SRSF5: variants seen among roughly 807,000 people sequenced by gnomAD.
SRSF5 encodes serine/arginine-rich splicing factor 5.
SRSF5 carries 5 observed loss-of-function variants against 34.0 expected under a neutral mutation model. The observed-to-expected ratio is 0.15, with a 90% CI of 0.08 to 0.31. SRSF5 has a LOEUF of 0.31. SRSF5 is among the 10% of genes least tolerant of loss of function. The probability of loss-of-function intolerance (pLI) is 1.00; values close to 1 mark genes in which losing one functional copy is unlikely to be tolerated. For synonymous variants in SRSF5, 164 were observed against 117.7 expected, an observed-to-expected ratio of 1.39 and a Z score of -2.55; for missense variants, 223 against 351.4, an observed-to-expected ratio of 0.63 and a Z score of 2.92.
At chr14:69,768,449 G>A in intron 2 of SRSF5, 155 bp from the exon 3 acceptor site, 2 of 1,223,350 alleles carry the variant, frequency 1.6e-6, no homozygotes, top group East Asian at 2.3e-5. Context: ...CCGGCTCACT[G>A]GAACCCCACT....
At chr14:69,768,571 G>A in intron 2 of SRSF5, 33 bp from the exon 3 acceptor site, 3 of 1,599,208 alleles carry the variant, frequency 1.9e-6, no homozygotes, top group South Asian at 1.1e-5. Flanking sequence ...CTCTTCTAAA[G>A]CCAATGTTAA....
At chr14:69,768,491 T>C in intron 2 of SRSF5, 113 bp from the exon 3 acceptor site, 1 of 1,249,222 alleles carries the variant, frequency 8.0e-7, no homozygotes, top group Non-Finnish European at 1.2e-6. Flanking sequence ...TTTGACTGTA[T>C]GGCAGTGTCG....
chr14:69,770,097 AATGTTCTGTT>A (rs1468599358), intron 5 of SRSF5: 1 of 1,031,744 alleles, frequency 9.7e-7, no homozygotes, highest in Non-Finnish European at 1.2e-6. Context: ...GTGTCTTGTA[AATGTTCTGTT>A]TTTTTAAATA....
In SRSF5 at chr14:69,768,701, C is replaced by T. The variant is rs759212362; in HGVS notation, c.197+27C>T. Reference sequence around the variant, plus strand: ...TGAGATTCCTGTGTAACTAGATAACCCTGGGACATAGAGCAGACTGGGTCT... The same window carrying T: ...TGAGATTCCTGTGTAACTAGATAACTCTGGGACATAGAGCAGACTGGGTCT... On this transcript the variant is annotated intron_variant, in intron 3 of 7. Coordinates refer to ENST00000557154, the MANE Select transcript of SRSF5 (RefSeq NM_001320214.2). 8 of 1,612,878 alleles carry T rather than the reference C, an allele frequency of 5.0e-6. No homozygotes were observed. The Admixed American group carries it at 6.7e-5, about 13-fold the overall frequency.
intron 1 of SRSF5, 65 bp downstream of exon 1, chr14:69,767,320 TGA>T (rs1462613966): frequency 3.1e-5 from 14 of 449,042 alleles, no homozygotes; most frequent in African/African-American, 1.2e-4. Context: ...GCTCAGATCG[TGA>T]GCGGCCGGGG....
intron 5 of SRSF5, 66 bp downstream of exon 5, chr14:69,769,317 TGTTGTATTGTTTTATTA>T: frequency 1.3e-6 from 2 of 1,589,642 alleles, no homozygotes; most frequent in Non-Finnish European, 1.7e-6. Flanking sequence ...GGGTAGCTAA[TGTTGTATTGTTTTATTA>T]AAAGTAGTTT....
chr14:69,770,613 T>A, intron 6 of SRSF5, 73 bp downstream of exon 6: 4 of 1,364,074 alleles, frequency 2.9e-6, no homozygotes, highest in Middle Eastern at 1.9e-4. Flanking sequence ...TTTGAGGACT[T>A]AAAATTTGAA....
chr14:69,769,488 A>G (rs1407794813), intron 5 of SRSF5: 1 of 1,535,422 alleles, frequency 6.5e-7, no homozygotes, highest in South Asian at 1.2e-5. Flanking sequence ...TTTTAACCAA[A>G]TATTAAACCC....
chr14:69,771,137 A>G (rs771362129), intron 7 of SRSF5, 32 bp downstream of exon 7: 10 of 1,612,954 alleles, frequency 6.2e-6, no homozygotes, highest in Non-Finnish European at 6.8e-6. Context: ...CAAAAGTTGT[A>G]TTTAATGGGT....
chr14:69,768,275 G>A lies in SRSF5; in HGVS notation c.119G>A (p.Gly40Asp), dbSNP rs1882780185. 6.2e-7 allele frequency: 1 copy of A among 1,614,198 alleles called. No homozygotes were observed. Among genetic ancestry groups the A allele is most frequent in the Non-Finnish European group, 8.5e-7 (1 of 1,180,036 alleles). Reference protein sequence around the residue: ...IRDIDLKRGFGFVEFEDPRDA... With the variant: ...IRDIDLKRGFDFVEFEDPRDA... ...GATATTGATCTGAAAAGAGGCTTTG[G>A]TTTTGTGGTAAGTATTTAGAACTGG... The change falls in exon 2 of 8, where the codon GGT becomes GAT. Residue 40 changes from glycine to aspartate, a missense_variant. This residue lies in a region of SRSF5 where 27 missense variants were observed against 90.7 expected (regional missense o/e 0.30). Coordinates refer to ENST00000557154, the MANE Select transcript of SRSF5 (RefSeq NM_001320214.2).
At chr14:69,768,514 TC>T (rs1882812980) in intron 2 of SRSF5, 89 bp from the exon 3 acceptor site, 2 of 1,352,796 alleles carry the variant, frequency 1.5e-6, no homozygotes, top group Admixed American at 1.7e-5. Context: ...AAGATACTCT[TC>T]CCATTCTGTC....
chr14:69,767,399 C>T (rs1464111308), intron 1 of SRSF5, 144 bp downstream of exon 1: 1 of 455,974 alleles, frequency 2.2e-6, no homozygotes, highest in Non-Finnish European at 4.4e-6. Flanking sequence ...TGGGGCACGT[C>T]TCCCTTTTGG....
At chr14:69,769,512 C>A in intron 5 of SRSF5, 1 of 1,535,398 alleles carries the variant, frequency 6.5e-7, no homozygotes, top group Non-Finnish European at 8.7e-7. Context: ...ATTTGCCAGC[C>A]TGTCTGTGTC....
rs202171316 is a variant in SRSF5 at position 69,770,547 on chromosome 14, A to G, written c.440+7A>G. ...GACCTAAATTAAATGAAGGGTATGTACTGGAAACTGTGAAAGTCTTTAAAA... is the reference window on the plus strand; with the variant it reads ...GACCTAAATTAAATGAAGGGTATGTGCTGGAAACTGTGAAAGTCTTTAAAA... On this transcript the variant is annotated splice_region_variant and intron_variant, in intron 6 of 7. Transcript: ENST00000557154. The G allele has an allele frequency of 1.9e-5, 30 of 1,609,954 alleles. No individual in the cohort carries two copies. In the East Asian group the frequency reaches 6.5e-4, roughly 35 times the overall value.
intron 5 of SRSF5, 60 bp from the exon 6 acceptor site, chr14:69,770,407 T>C (rs1336915247): frequency 6.3e-7 from 1 of 1,588,470 alleles, no homozygotes. Context: ...TTTTATATCA[T>C]GTGATTGTTT....
chr14:69,769,984 G>C lies in SRSF5; in HGVS notation c.367-483G>C, dbSNP rs1368589790. 7.7e-6 allele frequency: 8 copies of C among 1,041,856 alleles called. No homozygotes were observed. In the East Asian group the frequency reaches 6.9e-4, roughly 90 times the overall value. The allele number at this position is 1,041,856 out of a possible 1,614,324, so 64.5% of individuals were successfully genotyped here. A position where few individuals can be genotyped will look rare whatever the true frequency, so the allele number is the denominator to read the frequency against. On this transcript the variant is annotated intron_variant, in intron 5 of 7. Coordinates refer to ENST00000557154, the MANE Select transcript of SRSF5 (RefSeq NM_001320214.2). ...GAGCCAGTCGGGCATATGTCATGAA[G>C]GTTTCTCCGACCGATTAATGGTTTG... is the stretch of plus-strand genomic sequence containing the variant.
At chr14:69,767,303 C>G (rs1041391400) in intron 1 of SRSF5, 48 bp downstream of exon 1, 1 of 426,310 alleles carries the variant, frequency 2.3e-6, no homozygotes, top group Non-Finnish European at 4.6e-6. Context: ...GAGGCTTCTT[C>G]ATGGCCGCTC....
At position 69,768,161 on chromosome 14, in the gene SRSF5, G is replaced by A. The variant is rs368252076; in HGVS notation, c.5G>A (p.Ser2Asn). The change falls in exon 2 of 8, where the codon AGT becomes AAT. Residue 2 changes from serine (S) to asparagine (N), a missense_variant. Ser to Asn is a conservative substitution (Grantham distance 46). Around this residue, in one of 4 missense-constraint regions of SRSF5, gnomAD observed 27 missense variants for 90.7 expected, o/e 0.30. Coordinates refer to ENST00000557154, the MANE Select transcript of SRSF5 (RefSeq NM_001320214.2). The part of the protein sequence containing the change: M[S>N]GCRVFIGRLN... ...AGGAAGTACTAGCCGGACATCATGA[G>A]TGGCTGTCGGGTATTCATCGGGAGA... 12 of 1,614,088 alleles carry A rather than the reference G, an allele frequency of 7.4e-6. No individual in the cohort carries two copies. Among genetic ancestry groups the A allele is most frequent in the East Asian group, 2.2e-5 (1 of 44,900 alleles).
At chr14:69,767,653 C>G (rs535128248) in intron 1 of SRSF5, 2 of 393,714 alleles carry the variant, frequency 5.1e-6, no homozygotes, top group Non-Finnish European at 1.0e-5. Context: ...ACGCGCAGCT[C>G]TGCTGCCTTT....
Sources: allele counts gnomAD v4.1 joint callset, GRCh38; gene constraint gnomAD v4.1.1; regional missense constraint gnomAD v4.1.1; transcripts MANE v1.5; gene names NCBI Gene and HGNC (gene_info 2026-07-23, HGNC 2026-07-21).